The following CAMTA1 variants were observed in gnomAD, a reference collection of about 807,000 sequenced individuals.
CAMTA1 encodes calmodulin binding transcription activator 1.
A neutral mutation model predicts 170.9 loss-of-function variants in CAMTA1; 27 were observed. The observed-to-expected ratio is 0.16, with a 90% confidence interval of 0.12 to 0.22. The LOEUF is 0.22. Among genes scored for constraint, CAMTA1 ranks in the 10% least tolerant of loss-of-function variants. CAMTA1 has a pLI of 1.00. For missense variants in CAMTA1, 1,619 were observed against 2,217.2 expected (o/e 0.73, Z 5.42); for synonymous variants, 833 against 891.5 (o/e 0.93, Z 1.17).
chr1:7,597,464 C>T (rs1223864079), intron 6 of CAMTA1, among the ~76,000 whole-genome samples: 1 of 152,172 alleles, frequency 6.6e-6, no homozygotes, highest in Non-Finnish European at 1.5e-5. Flanking sequence ...CCCTGAACTT[C>T]GCAACCCCTG....
At chr1:7,611,163 C>G (rs1186081650) in intron 6 of CAMTA1, among the ~76,000 whole-genome samples, 1 of 152,156 alleles carries the variant, frequency 6.6e-6, no homozygotes, top group African/African-American at 2.4e-5. Flanking sequence ...TGGTGCGGGC[C>G]TAGTCCATGC....
chr1:7,019,942 T>C (rs1024637851), intron 3 of CAMTA1, among the ~76,000 whole-genome samples: 4 of 152,236 alleles, frequency 2.6e-5, no homozygotes, highest in Non-Finnish European at 5.9e-5. Flanking sequence ...GTGGTGTTTG[T>C]GATTCCAGAA....
At chr1:7,024,903 A>G (rs1701827241) in intron 3 of CAMTA1, among the ~76,000 whole-genome samples, 1 of 152,224 alleles carries the variant, frequency 6.6e-6, no homozygotes, top group Non-Finnish European at 1.5e-5. Context: ...CCTCTCCAAA[A>G]TATCAAATAA....
chr1:6,829,692 C>A (rs1013440426), intron 3 of CAMTA1, among the ~76,000 whole-genome samples: 1 of 152,214 alleles, frequency 6.6e-6, no homozygotes, highest in Non-Finnish European at 1.5e-5. Context: ...GATATGTTAA[C>A]TAATGTACCC....
intron 3 of CAMTA1, chr1:6,853,299 G>A (rs1248701699): frequency 1.3e-5 from 2 of 152,184 alleles, no homozygotes; most frequent in Non-Finnish European, 2.9e-5. Flanking sequence ...TTAAATAAAA[G>A]TTAATATCTT....
intron 6 of CAMTA1, among the ~76,000 whole-genome samples, chr1:7,601,669 G>A (rs569855195): frequency 2.0e-5 from 3 of 152,352 alleles, no homozygotes; most frequent in African/African-American, 7.2e-5. Flanking sequence ...CTGAGTGAAC[G>A]CGACTCCGTC....
intron 3 of CAMTA1, among the ~76,000 whole-genome samples, chr1:6,983,029 A>G (rs1694706389): frequency 6.6e-6 from 1 of 152,072 alleles, no homozygotes; most frequent in Non-Finnish European, 1.5e-5. Context: ...ACCCATGTAA[A>G]CTTACCTTGA....
At chr1:7,082,093 T>G (rs1054672384) in intron 3 of CAMTA1, among the ~76,000 whole-genome samples, 1 of 152,182 alleles carries the variant, frequency 6.6e-6, no homozygotes, top group African/African-American at 2.4e-5. Context: ...AATCATGGTC[T>G]CCAATCAGCG....
chr1:7,688,511 G>T lies in CAMTA1; in HGVS notation c.2914+10778G>T, dbSNP rs566038983. ...TCCATCTCCCTGGAAACCAAGGGAGGTGCCAGTCTGTGTGTGCAGCTGCCG... is the reference window on the plus strand; with the variant it reads ...TCCATCTCCCTGGAAACCAAGGGAGTTGCCAGTCTGTGTGTGCAGCTGCCG... On this transcript the variant is annotated intron_variant, in intron 11 of 22. Coordinates refer to ENST00000303635, the MANE Select transcript of CAMTA1 (RefSeq NM_015215.4). 1.2e-4 allele frequency among the ~76,000 whole-genome samples: 19 copies of T among 152,276 alleles called. No homozygotes were observed. In the South Asian group the frequency reaches 3.3e-3, roughly 27 times the overall value.
intron 5 of CAMTA1, among the ~76,000 whole-genome samples, chr1:7,442,194 C>A (rs532141027): frequency 6.6e-6 from 1 of 152,328 alleles, no homozygotes; most frequent in South Asian, 2.1e-4. Flanking sequence ...TGATTAAGCA[C>A]TTAAATTGAT....
chr1:7,513,565 C>T (rs902456234), intron 6 of CAMTA1, among the ~76,000 whole-genome samples: 2 of 152,162 alleles, frequency 1.3e-5, no homozygotes, highest in Admixed American at 1.3e-4. Flanking sequence ...AGAAAGATCA[C>T]TCTGACCCCT....
chr1:7,319,718 C>T lies in CAMTA1; in HGVS notation c.438+70092C>T, dbSNP rs555592877. On this transcript the variant is annotated intron_variant, in intron 5 of 22. Transcript: ENST00000303635. ...TACTGAGCAGCTACCATCTGTCAGC[C>T]GCATTCCAAGTCCTGAGAAGATTCA... 5.9e-5 allele frequency among the ~76,000 whole-genome samples: 9 copies of T among 152,288 alleles called. No homozygotes were observed. The South Asian group carries it at 6.2e-4, about 11-fold the overall frequency.
chr1:7,105,129 A>C (rs1307437409), intron 4 of CAMTA1, among the ~76,000 whole-genome samples: 1 of 152,220 alleles, frequency 6.6e-6, no homozygotes, highest in African/African-American at 2.4e-5. Flanking sequence ...TTAATTTTGC[A>C]TTAAATAATT....
intron 4 of CAMTA1, among the ~76,000 whole-genome samples, chr1:7,167,859 C>T (rs959806483): frequency 1.3e-5 from 2 of 152,044 alleles, no homozygotes; most frequent in Non-Finnish European, 2.9e-5. Context: ...AGTGATCCTC[C>T]CACCTCAGCC....
rs1429287085 is a variant in CAMTA1, at chr1:6,970,613, G to A, written c.235-120691G>A. 6.6e-6 allele frequency among the ~76,000 whole-genome samples: 1 copy of A among 152,194 alleles called. No homozygotes were observed. ...AGTCTGAAGACTCCACAGAACTGATGTTGGGATGGGAGAGACAAGCAGGCA... is the reference window on the plus strand; with the variant it reads ...AGTCTGAAGACTCCACAGAACTGATATTGGGATGGGAGAGACAAGCAGGCA... On this transcript the variant is annotated intron_variant, in intron 3 of 22. Transcript: ENST00000303635. This position sits in a 1 kb window ranked among gnomAD's most constrained non-coding sequence, Gnocchi z 4.4.
At chr1:6,943,575 G>A (rs1435896506) in intron 3 of CAMTA1, among the ~76,000 whole-genome samples, 1 of 152,086 alleles carries the variant, frequency 6.6e-6, no homozygotes, top group Non-Finnish European at 1.5e-5. Flanking sequence ...GGGGCCAGGC[G>A]TGGTGGCTCA....
intron 1 of CAMTA1, among the ~76,000 whole-genome samples, chr1:6,803,436 T>C (rs1644127953): frequency 6.6e-6 from 1 of 152,152 alleles, no homozygotes; most frequent in African/African-American, 2.4e-5. Flanking sequence ...TCTTGATTTT[T>C]CATGGTAGAA....
intron 5 of CAMTA1, among the ~76,000 whole-genome samples, chr1:7,420,188 G>A (rs978195487): frequency 1.3e-5 from 2 of 151,976 alleles, no homozygotes; most frequent in African/African-American, 2.4e-5. Flanking sequence ...ACACTCACGA[G>A]CCCATCCACC....
chr1:7,128,840 T>C (rs1645082935), intron 4 of CAMTA1, among the ~76,000 whole-genome samples: 1 of 138,254 alleles, frequency 7.2e-6, no homozygotes, highest in Non-Finnish European at 1.6e-5. Flanking sequence ...CCTTTTTTTT[T>C]TTTTTTTTTT....
Sources: allele counts gnomAD v4.1 joint callset (sites outside exome capture counted in the v4.1 genomes callset), GRCh38; gene constraint gnomAD v4.1.1; non-coding constraint Gnocchi (gnomAD v3.1); transcripts MANE v1.5; gene names NCBI Gene and HGNC (gene_info 2026-07-23, HGNC 2026-07-21).